The following DCC variants were observed in gnomAD, a reference collection of about 807,000 sequenced individuals.
DCC encodes netrin receptor DCC.
A neutral mutation model predicts 172.5 loss-of-function variants in DCC; 58 were observed. That is an observed-to-expected ratio of 0.34 (90% confidence interval 0.27 to 0.42). DCC has a LOEUF of 0.42. Among genes scored for constraint, DCC ranks in the 10% least tolerant of loss-of-function variants. The pLI is 1.00. For synonymous variants in DCC, 709 were observed against 644.5 expected (o/e 1.10, Z -1.52); for missense variants, 1,740 against 1,791.0 (o/e 0.97, Z 0.51).
At chr18:53,003,195 G>T (rs904242996) in intron 5 of DCC, among the ~76,000 whole-genome samples, 1 of 149,382 alleles carries the variant, frequency 6.7e-6, no homozygotes, top group Non-Finnish European at 1.5e-5. Flanking sequence ...CAGCAACTTG[G>T]CTTCTCAATG....
intron 2 of DCC, among the ~76,000 whole-genome samples, chr18:52,760,992 T>A (rs932510578): frequency 1.3e-5 from 2 of 152,242 alleles, no homozygotes; most frequent in Admixed American, 1.3e-4. Flanking sequence ...ATATTTATAA[T>A]CTATATCTGC....
chr18:53,521,604 G>A (rs1255767379), intron 27 of DCC, among the ~76,000 whole-genome samples: 1 of 152,058 alleles, frequency 6.6e-6, no homozygotes, highest in Admixed American at 6.6e-5. Context: ...AACAGGCACT[G>A]GCCCTACTTG....
At chr18:53,003,268 G>T (rs1027081976) in intron 5 of DCC, among the ~76,000 whole-genome samples, 3 of 152,034 alleles carry the variant, frequency 2.0e-5, no homozygotes, top group African/African-American at 7.2e-5. Flanking sequence ...TTAAATAACG[G>T]ATTATTGAAG....
At chr18:52,777,053 G>A (rs888091506) in intron 2 of DCC, among the ~76,000 whole-genome samples, 3 of 151,510 alleles carry the variant, frequency 2.0e-5, no homozygotes, top group Non-Finnish European at 4.4e-5. Flanking sequence ...GGGATTTTTT[G>A]CATTTATTTT....
At chr18:52,884,436 G>A (rs933448191) in intron 2 of DCC, among the ~76,000 whole-genome samples, 2 of 150,998 alleles carry the variant, frequency 1.3e-5, no homozygotes, top group African/African-American at 4.9e-5. Context: ...CTGCCTTCAA[G>A]TTCACTAATT....
At position 53,521,585 on chromosome 18, in the gene DCC, G is replaced by A. The variant is rs537559209; in HGVS notation, c.4112-5032G>A. On this transcript the variant is annotated intron_variant, in intron 27 of 28. Coordinates refer to ENST00000442544, the MANE Select transcript of DCC (RefSeq NM_005215.4). ...ATTCTAAAAGAATCTTTACTTTTAC[G>A]TTTCTCAGAACAGGCACTGGCCCTA... Among the ~76,000 whole-genome samples, 388 of 152,180 alleles carry A rather than the reference G, an allele frequency of 2.5e-3. 1 individual carries two copies. The highest frequency in any genetic ancestry group is 8.8e-3 in the African/African-American group (364 of 41,536).
At chr18:53,020,071 A>G (rs1026718109) in intron 5 of DCC, among the ~76,000 whole-genome samples, 2 of 152,192 alleles carry the variant, frequency 1.3e-5, no homozygotes, top group Admixed American at 1.3e-4. Context: ...GAGCATGCTT[A>G]GTTTCAAAAC....
intron 1 of DCC, among the ~76,000 whole-genome samples, chr18:52,438,661 C>CT (rs1397185302): frequency 6.6e-6 from 1 of 152,056 alleles, no homozygotes; most frequent in Non-Finnish European, 1.5e-5. Flanking sequence ...AATTAAAATA[C>CT]TTTTTTCACA....
intron 1 of DCC, among the ~76,000 whole-genome samples, chr18:52,725,266 G>T (rs946084247): frequency 6.6e-6 from 1 of 152,138 alleles, no homozygotes; most frequent in Admixed American, 6.5e-5. Flanking sequence ...TGCTGAGAGC[G>T]CCAGTGATCA....
intron 1 of DCC, among the ~76,000 whole-genome samples, chr18:52,496,053 C>T (rs190401151): frequency 4.8e-4 from 73 of 152,138 alleles, no homozygotes; most frequent in Middle Eastern, 3.4e-3. Context: ...TTTTAATATG[C>T]TATGTACCAT....
At chr18:52,398,226 C>T (rs1986305019) in intron 1 of DCC, among the ~76,000 whole-genome samples, 1 of 151,934 alleles carries the variant, frequency 6.6e-6, no homozygotes, top group Non-Finnish European at 1.5e-5. Context: ...ATTTTCTTAG[C>T]AAATGTTTTA....
chr18:53,125,328 C>T (rs1001669154), intron 7 of DCC, among the ~76,000 whole-genome samples: 14 of 151,990 alleles, frequency 9.2e-5, no homozygotes, highest in African/African-American at 3.4e-4. Flanking sequence ...GTAGATAACT[C>T]AGTTGATGGT....
chr18:52,968,763 A>G (rs1203851007), intron 5 of DCC, among the ~76,000 whole-genome samples: 2 of 152,224 alleles, frequency 1.3e-5, no homozygotes, highest in Non-Finnish European at 1.5e-5. Context: ...AATAATTTGC[A>G]TCTTAAATGG....
chr18:53,383,515 C>T (rs1028857187), intron 15 of DCC, among the ~76,000 whole-genome samples: 1 of 147,466 alleles, frequency 6.8e-6, no homozygotes, highest in Non-Finnish European at 1.5e-5. Context: ...TAGTTGCTTC[C>T]GTTCTATCTA....
At chr18:52,596,890 A>G (rs2033919600) in intron 1 of DCC, among the ~76,000 whole-genome samples, 1 of 152,134 alleles carries the variant, frequency 6.6e-6, no homozygotes, top group African/African-American at 2.4e-5. Flanking sequence ...GCCATTCAGG[A>G]GTCTCCGTGT....
chr18:52,717,432 T>TTC (rs1413951972), intron 1 of DCC, among the ~76,000 whole-genome samples: 4 of 122,954 alleles, frequency 3.3e-5, no homozygotes, highest in Non-Finnish European at 5.3e-5. Flanking sequence ...CTAAATTTCT[T>TTC]TTTTTTTTTT....
At chr18:52,971,298 C>T (rs1025063162) in intron 5 of DCC, among the ~76,000 whole-genome samples, 1 of 152,126 alleles carries the variant, frequency 6.6e-6, no homozygotes, top group Non-Finnish European at 1.5e-5. Flanking sequence ...ACCAATTGAA[C>T]ATTATGAACA....
At chr18:52,661,294 C>T (rs545593469) in intron 1 of DCC, among the ~76,000 whole-genome samples, 1 of 152,136 alleles carries the variant, frequency 6.6e-6, no homozygotes, top group South Asian at 2.1e-4. Context: ...GACATTAGAC[C>T]TACAGACTCT....
chr18:52,435,790 T>C (rs1477003641), intron 1 of DCC, among the ~76,000 whole-genome samples: 1 of 152,180 alleles, frequency 6.6e-6, no homozygotes, highest in African/African-American at 2.4e-5. Flanking sequence ...AACTCCATTA[T>C]AGACTCTCAG....
Sources: gnomAD v4.1 joint callset for allele counts (sites outside exome capture counted in the v4.1 genomes callset) on GRCh38, gnomAD v4.1.1 for gene constraint, MANE v1.5 for transcripts, NCBI Gene and HGNC (gene_info 2026-07-23, HGNC 2026-07-21) for gene names.